The following S1PR1 variants were observed in gnomAD, a reference collection of about 807,000 sequenced individuals.
The protein encoded by S1PR1 is sphingosine 1-phosphate receptor 1.
A neutral mutation model predicts 18.3 loss-of-function variants in S1PR1; 2 were observed. The observed-to-expected ratio is 0.11, with a 90% CI of 0.04 to 0.34. The LOEUF (loss-of-function observed/expected upper bound fraction) is 0.34, where lower values mean the gene tolerates loss of function less well. Ranked by LOEUF, S1PR1 falls within the 10% of genes least tolerant of loss-of-function variation. The pLI is 1.00. For synonymous variants in S1PR1, 222 were observed against 211.2 expected (o/e 1.05, Z -0.44); for missense variants, 335 against 493.8 (o/e 0.68, Z 3.05).
chr1:101,241,979 G>A (rs1570831940), downstream of S1PR1, among the ~76,000 whole-genome samples: 5 of 150,176 alleles, frequency 3.3e-5, no homozygotes, highest in African/African-American at 9.8e-5. Context: ...GGGAAGTGGG[G>A]ATATGGATAT....
chr1:101,238,894 C>G lies in S1PR1; in HGVS notation c.-91C>G. 2 of 1,299,150 alleles carry G rather than the reference C, an allele frequency of 1.5e-6. No individual in the cohort carries two copies. Among genetic ancestry groups the G allele is most frequent in the South Asian group, 1.5e-5 (1 of 67,212 alleles). 80.5% of individuals were successfully genotyped at this position (1,299,150 alleles called of 1,614,324 possible). A position where few individuals can be genotyped will look rare whatever the true frequency, so the allele number is the denominator to read the frequency against. On this transcript the variant is annotated 5_prime_UTR_variant, in exon 2 of 2. Coordinates refer to ENST00000305352, the MANE Select transcript of S1PR1 (RefSeq NM_001400.5). ...AGCCTGGATCACTCATCGAACCACC[C>G]CTGAAGCCAGTGAAGGCTCTCTCGC...
At position 101,239,456 on chromosome 1, in the gene S1PR1, T is replaced by C; in HGVS notation, c.472T>C (p.Phe158Leu). The change falls in exon 2 of 2, where the codon TTC becomes CTC. Residue 158 changes from phenylalanine (F) to leucine (L), a missense_variant. Transcript: ENST00000305352. The surrounding 1 kb of genome is among the most constrained non-coding windows in gnomAD (Gnocchi z 6.3). ...GAAACTCCACAACGGGAGCAATAAC[T>C]TCCGCCTCTTCCTGCTAATCAGCGC... ...KMKLHNGSNN[F>L]RLFLLISACW... The C allele has an allele frequency of 6.2e-7, 1 of 1,614,132 alleles. No individual in the cohort carries two copies. Among genetic ancestry groups the C allele is most frequent in the South Asian group, 1.1e-5 (1 of 91,074 alleles).
intron 1 of S1PR1, 144 bp from the exon 2 acceptor site, chr1:101,238,677 TA>T (rs35016388): frequency 9.8e-6 from 3 of 306,548 alleles, no homozygotes; most frequent in African/African-American, 2.2e-5. Context: ...ATTTGATTTT[TA>T]AAAAAAATCT....
At chr1:101,241,941 A>G (rs1351487017), downstream of S1PR1, among the ~76,000 whole-genome samples, 1 of 152,024 alleles carries the variant, frequency 6.6e-6, no homozygotes, top group African/African-American at 2.4e-5. Flanking sequence ...AAAAAAGCAT[A>G]CATTCTTGGC....
Position 101,240,281 on chromosome 1 carries a change from G to T in S1PR1, c.*148G>T, listed in dbSNP as rs1244329428. 1.3e-6 allele frequency: 1 copy of T among 771,072 alleles called. No homozygotes were observed. Among genetic ancestry groups the T allele is most frequent in the Middle Eastern group, 2.4e-4 (1 of 4,232 alleles). 47.8% of individuals were successfully genotyped at this position (771,072 alleles called of 1,614,324 possible). On this transcript the variant is annotated 3_prime_UTR_variant, in exon 2 of 2. Transcript: ENST00000305352. ...GAAGGGGGAGAATACGAACAGCCTG[G>T]TGGTGTCGGGTGTTGGTGGGTAGAG...
rs1387209599 is a variant in S1PR1, at chr1:101,240,185, C to T, written c.*52C>T. On this transcript the variant is annotated 3_prime_UTR_variant, in exon 2 of 2. Transcript: ENST00000305352. Reference sequence around the variant, plus strand: ...GCGCTCTTTACTTGGTCGCTGGCCACCCCAGTGTTTGGAAAAAAATCTCTG... The same window carrying T: ...GCGCTCTTTACTTGGTCGCTGGCCATCCCAGTGTTTGGAAAAAAATCTCTG... 6.3e-7 allele frequency: 1 copy of T among 1,586,824 alleles called. No individual in the cohort carries two copies.
chr1:101,239,896 C>T lies in S1PR1; in HGVS notation c.912C>T (p.Ser304=), dbSNP rs199783596. 5 of 1,613,882 alleles carry T rather than the reference C, an allele frequency of 3.1e-6. No individual in the cohort carries two copies. Among genetic ancestry groups the T allele is most frequent in the Admixed American group, 1.7e-5 (1 of 60,020 alleles). ...TCCTGGTGTTAGCTGTGCTCAACTC[C>T]GGCACCAACCCCATCATTTACACTC... ...EYFLVLAVLN[S]GTNPIIYTLT... Residue 304 remains serine (S), a synonymous_variant, in exon 2 of 2, where the codon TCC becomes TCT. Transcript: ENST00000305352. This position sits in a 1 kb window ranked among gnomAD's most constrained non-coding sequence, Gnocchi z 6.3.
chr1:101,238,667 A>G (rs1360434680), intron 1 of S1PR1, among the ~76,000 whole-genome samples, 155 bp from the exon 2 acceptor site: 2 of 104,398 alleles, frequency 1.9e-5, no homozygotes, highest in Non-Finnish European at 3.9e-5. Context: ...AAAAAAGATA[A>G]TTTGATTTTT....
At position 101,238,813 on chromosome 1, in the gene S1PR1, T is replaced by G; in HGVS notation, c.-163-9T>G. On this transcript the variant is annotated splice_polypyrimidine_tract_variant and intron_variant, in intron 1 of 1. Coordinates refer to ENST00000305352, the MANE Select transcript of S1PR1 (RefSeq NM_001400.5). ...TCTTTCCCTGACTCTCTCCTCTGACTTGTTTAAGGCTGCGGTTTCCGAGGC... is the reference window on the plus strand; with the variant it reads ...TCTTTCCCTGACTCTCTCCTCTGACGTGTTTAAGGCTGCGGTTTCCGAGGC... 1.6e-6 allele frequency: 1 copy of G among 626,846 alleles called. No homozygotes were observed. Among genetic ancestry groups the G allele is most frequent in the South Asian group, 2.0e-5 (1 of 50,212 alleles). 38.8% of individuals were successfully genotyped at this position (626,846 alleles called of 1,614,324 possible).
Position 101,239,713 on chromosome 1 carries a change from G to A in S1PR1, c.729G>A (p.Lys243=). ...RRLTFRKNIS[K]ASRSSEKSLA... Reference sequence around the variant, plus strand: ...TGACGTTCCGCAAGAACATTTCCAAGGCCAGCCGCAGCTCTGAGAAGTCGC... The same window carrying A: ...TGACGTTCCGCAAGAACATTTCCAAAGCCAGCCGCAGCTCTGAGAAGTCGC... The change falls in exon 2 of 2, where the codon AAG becomes AAA. Residue 243 remains lysine, a synonymous_variant. Coordinates refer to ENST00000305352, the MANE Select transcript of S1PR1 (RefSeq NM_001400.5). The surrounding 1 kb of genome is among the most constrained non-coding windows in gnomAD (Gnocchi z 6.3). 1 of 1,613,962 alleles carries A rather than the reference G, an allele frequency of 6.2e-7. No homozygotes were observed. The highest frequency in any genetic ancestry group is 8.5e-7 in the Non-Finnish European group (1 of 1,180,028).
rs1416190503 is a variant in S1PR1 at position 101,239,875 on chromosome 1, G to T, written c.891G>T (p.Leu297=). 2.5e-6 allele frequency: 4 copies of T among 1,613,778 alleles called. No homozygotes were observed. In the Admixed American group the frequency reaches 5.0e-5, roughly 20 times the overall value. Residue 297 remains leucine, a synonymous_variant, in exon 2 of 2, where the codon CTG becomes CTT. Coordinates refer to ENST00000305352, the MANE Select transcript of S1PR1 (RefSeq NM_001400.5). This position sits in a 1 kb window ranked among gnomAD's most constrained non-coding sequence, Gnocchi z 6.3. The part of the protein sequence containing the change: ...CDILFRAEYF[L]VLAVLNSGTN... ...TCCTCTTCAGAGCGGAGTACTTCCT[G>T]GTGTTAGCTGTGCTCAACTCCGGCA...
chr1:101,242,153 A>G (rs1652932239), downstream of S1PR1, among the ~76,000 whole-genome samples: 1 of 152,176 alleles, frequency 6.6e-6, no homozygotes. Context: ...CCTTCAATTC[A>G]TAGTATCTGA....
chr1:101,241,719 G>T (rs146770956), downstream of S1PR1, among the ~76,000 whole-genome samples: 36 of 152,260 alleles, frequency 2.4e-4, no homozygotes, highest in Non-Finnish European at 3.2e-4. Context: ...TAACACTGAA[G>T]AGTAGTAAAG....
chr1:101,240,797 C>T lies in S1PR1; in HGVS notation c.*664C>T, dbSNP rs199732921. ...CCAAAGTTTCCATGTAAGCGGGATC[C>T]GTTTTTTGGAATTTGGTTGAAGTCA... On this transcript the variant is annotated 3_prime_UTR_variant, in exon 2 of 2. Coordinates refer to ENST00000305352, the MANE Select transcript of S1PR1 (RefSeq NM_001400.5). The T allele has an allele frequency of 2.4e-5, 4 of 167,234 alleles. No individual in the cohort carries two copies. The highest frequency in any genetic ancestry group is 3.8e-4 in the East Asian group (2 of 5,332). The allele number at this position is 167,234 out of a possible 1,614,324, so 10.4% of individuals were successfully genotyped here. A position where few individuals can be genotyped will look rare whatever the true frequency, so the allele number is the denominator to read the frequency against.
chr1:101,238,525 C>T (rs910647812), intron 1 of S1PR1, among the ~76,000 whole-genome samples: 1 of 146,742 alleles, frequency 6.8e-6, no homozygotes, highest in African/African-American at 2.6e-5. Flanking sequence ...TCCTTTTCAT[C>T]ATCTTTTTTT....
intron 1 of S1PR1, among the ~76,000 whole-genome samples, chr1:101,237,430 G>A (rs759916158): frequency 1.3e-5 from 2 of 152,210 alleles, no homozygotes; most frequent in Non-Finnish European, 2.9e-5. Flanking sequence ...AGAATATGGT[G>A]GGTGGTGTGG....
In S1PR1 at chr1:101,239,728, TGAG is replaced by T; in HGVS notation, c.745_747del (p.Glu249del). The stretch of plus-strand genomic sequence containing the variant: ...ACATTTCCAAGGCCAGCCGCAGCTC[TGAG>T]AAGTCGCTGGCGCTGCTCAAGACCG... On this transcript the variant is annotated inframe_deletion, in exon 2 of 2. Coordinates refer to ENST00000305352, the MANE Select transcript of S1PR1 (RefSeq NM_001400.5). The surrounding 1 kb of genome is among the most constrained non-coding windows in gnomAD (Gnocchi z 6.3). 6.2e-7 allele frequency: 1 copy of T among 1,613,994 alleles called. No homozygotes were observed. Among genetic ancestry groups the T allele is most frequent in the Non-Finnish European group, 8.5e-7 (1 of 1,180,022 alleles).
Position 101,238,949 on chromosome 1 carries a change from G to A in S1PR1, c.-36G>A, listed in dbSNP as rs936958252. 8.9e-6 allele frequency: 14 copies of A among 1,576,288 alleles called. No homozygotes were observed. Among genetic ancestry groups the A allele is most frequent in the East Asian group, 2.2e-5 (1 of 44,498 alleles). On this transcript the variant is annotated 5_prime_UTR_variant, in exon 2 of 2. Coordinates refer to ENST00000305352, the MANE Select transcript of S1PR1 (RefSeq NM_001400.5). ...CCCTCTAGCGTTCGTCTGGAGTAGC[G>A]CCACCCCGGCTTCCTGGGGACACAG...
At position 101,239,755 on chromosome 1, in the gene S1PR1, C is replaced by G. The variant is rs1652823351; in HGVS notation, c.771C>G (p.Thr257=). 2 of 1,613,770 alleles carry G rather than the reference C, an allele frequency of 1.2e-6. No individual in the cohort carries two copies. The highest frequency in any genetic ancestry group is 1.6e-4 in the Middle Eastern group (1 of 6,062). ...AGAAGTCGCTGGCGCTGCTCAAGACCGTAATTATCGTCCTGAGCGTCTTCA... is the reference window on the plus strand; with the variant it reads ...AGAAGTCGCTGGCGCTGCTCAAGACGGTAATTATCGTCCTGAGCGTCTTCA... ...SSEKSLALLK[T]VIIVLSVFIA... is the part of the protein sequence containing the mutation. The change falls in exon 2 of 2, where the codon ACC becomes ACG. Residue 257 remains threonine, a synonymous_variant. Coordinates refer to ENST00000305352, the MANE Select transcript of S1PR1 (RefSeq NM_001400.5). The surrounding 1 kb of genome is among the most constrained non-coding windows in gnomAD (Gnocchi z 6.3).
Sources: allele counts gnomAD v4.1 joint callset (sites outside exome capture counted in the v4.1 genomes callset), GRCh38; gene constraint gnomAD v4.1.1; non-coding constraint Gnocchi (gnomAD v3.1); transcripts MANE v1.5; gene names NCBI Gene and HGNC (gene_info 2026-07-23, HGNC 2026-07-21).